CARMIL1: variants seen among roughly 807,000 people sequenced by gnomAD.
The protein encoded by CARMIL1 is capping protein regulator and myosin 1 linker 1, also known as F-actin-uncapping protein LRRC16A.
Under a neutral mutation model 177.1 loss-of-function variants are expected in CARMIL1, and 90 were observed. The observed-to-expected ratio is 0.51, with a 90% CI of 0.43 to 0.61. The LOEUF (loss-of-function observed/expected upper bound fraction) is 0.61. Ranked by LOEUF, CARMIL1 falls within the 20% of genes least tolerant of loss-of-function variation. The pLI, the probability that CARMIL1 is intolerant of heterozygous loss-of-function variation, is 0.00. For missense variants in CARMIL1, 1,380 were observed against 1,667.0 expected (o/e 0.83, Z 3.00); for synonymous variants, 577 against 606.2 (o/e 0.95, Z 0.71).
rs5875041 is a variant in CARMIL1 at position 25,442,468 on chromosome 6, A to ATGTG, written c.371+6878_371+6881dup. Among the ~76,000 whole-genome samples, 84 of 148,984 alleles carry ATGTG rather than the reference A, an allele frequency of 5.6e-4. 1 individual carries two copies. The highest frequency in any genetic ancestry group is 9.1e-4 in the Non-Finnish European group (61 of 67,176). On this transcript the variant is annotated intron_variant, in intron 5 of 36. Coordinates refer to ENST00000329474, the MANE Select transcript of CARMIL1 (RefSeq NM_017640.6). ...TGTCTATTTAACAGTGTGTGTGTGT[A>ATGTG]TGTGTGTGTGTGTGTGTATGTGTGT... is the stretch of plus-strand genomic sequence containing the variant.
intron 1 of CARMIL1, among the ~76,000 whole-genome samples, chr6:25,283,776 G>A (rs1326535737): frequency 2.6e-5 from 4 of 151,978 alleles, no homozygotes; most frequent in Admixed American, 2.0e-4. Context: ...GCAGTGGCAC[G>A]ATCTCAGCTC....
chr6:25,300,150 A>C (rs1221177263), intron 2 of CARMIL1, among the ~76,000 whole-genome samples: 1 of 143,796 alleles, frequency 7.0e-6, no homozygotes, highest in Admixed American at 6.9e-5. Context: ...CGAAATTTAC[A>C]GTTTTATGAT....
At chr6:25,373,175 C>T (rs1581718396) in intron 2 of CARMIL1, among the ~76,000 whole-genome samples, 1 of 151,126 alleles carries the variant, frequency 6.6e-6, no homozygotes, top group Non-Finnish European at 1.5e-5. Context: ...ATTTTTACAT[C>T]TTTGTTGATT....
chr6:25,549,683 T>C (rs978488148), intron 26 of CARMIL1, among the ~76,000 whole-genome samples: 6 of 152,180 alleles, frequency 3.9e-5, no homozygotes, highest in African/African-American at 1.4e-4. Flanking sequence ...TATTGGTGGA[T>C]TGTGCTTTGC....
At chr6:25,576,893 C>T in intron 29 of CARMIL1, 3 of 524,778 alleles carry the variant, frequency 5.7e-6, no homozygotes, top group Non-Finnish European at 7.3e-6. Flanking sequence ...GAATGGTATC[C>T]CTCTCCCTCC....
chr6:25,369,748 T>C (rs556612405), intron 2 of CARMIL1, among the ~76,000 whole-genome samples: 1 of 152,290 alleles, frequency 6.6e-6, no homozygotes, highest in East Asian at 1.9e-4. Context: ...GCTTGCTTTG[T>C]GTGTTTGGGT....
chr6:25,322,927 A>G (rs1033837505), intron 2 of CARMIL1, among the ~76,000 whole-genome samples: 1 of 152,174 alleles, frequency 6.6e-6, no homozygotes, highest in African/African-American at 2.4e-5. Flanking sequence ...TGCTCCATTT[A>G]GCTTCAAAGG....
At chr6:25,436,358 C>G (rs914882589) in intron 5 of CARMIL1, among the ~76,000 whole-genome samples, 3 of 152,188 alleles carry the variant, frequency 2.0e-5, no homozygotes, top group Non-Finnish European at 4.4e-5. Flanking sequence ...TCCCATTGCT[C>G]TCCCAGCAGG....
chr6:25,288,016 A>G (rs780772944), intron 2 of CARMIL1, among the ~76,000 whole-genome samples: 2 of 152,198 alleles, frequency 1.3e-5, no homozygotes, highest in African/African-American at 4.8e-5. Flanking sequence ...GGAGGTAAAC[A>G]TGTAGCCAGG....
At position 25,423,830 on chromosome 6, in the gene CARMIL1, C is replaced by G. The variant is rs73393812; in HGVS notation, c.190-2671C>G. Among the ~76,000 whole-genome samples the G allele has an allele frequency of 7.2e-3, 1,092 of 152,250 alleles. 13 individuals carry two copies. The highest frequency in any genetic ancestry group is 0.025 in the African/African-American group (1,045 of 41,544). ...TGGTGATATTTAATTAGTGTAATTT[C>G]TAACTGAAAAATGTCCTCAAGTCTT... On this transcript the variant is annotated intron_variant, in intron 3 of 36. Transcript: ENST00000329474.
At chr6:25,600,133 A>G (rs761927711) in intron 32 of CARMIL1, among the ~76,000 whole-genome samples, 181 bp from the exon 33 acceptor site, 1 of 152,188 alleles carries the variant, frequency 6.6e-6, no homozygotes, top group Non-Finnish European at 1.5e-5. Flanking sequence ...TCACGTGAAT[A>G]TGATAATGAT....
intron 2 of CARMIL1, among the ~76,000 whole-genome samples, chr6:25,303,303 A>G (rs995042326): frequency 6.6e-6 from 1 of 152,230 alleles, no homozygotes; most frequent in African/African-American, 2.4e-5. Context: ...ACAGTTGGGT[A>G]AAAAACTAAG....
chr6:25,429,870 G>A (rs146583810), intron 4 of CARMIL1, among the ~76,000 whole-genome samples: 18,630 of 145,468 alleles, frequency 0.13, 1,424 homozygotes, highest in South Asian at 0.18. Context: ...TTTTTGAGAC[G>A]GAGTCTCACT....
chr6:25,352,183 G>A (rs1788173672), intron 2 of CARMIL1, among the ~76,000 whole-genome samples: 1 of 151,556 alleles, frequency 6.6e-6, no homozygotes, highest in African/African-American at 2.4e-5. Flanking sequence ...TCATCTATAG[G>A]TGACTACATA....
intron 2 of CARMIL1, among the ~76,000 whole-genome samples, chr6:25,390,934 TCA>T (rs1792755665): frequency 6.6e-6 from 1 of 152,200 alleles, no homozygotes; most frequent in Admixed American, 6.5e-5. Context: ...ACTGCTGACC[TCA>T]AGTGATCCAC....
At chr6:25,603,474 G>A (rs1027172800) in intron 33 of CARMIL1, among the ~76,000 whole-genome samples, 1 of 152,222 alleles carries the variant, frequency 6.6e-6, no homozygotes, top group Non-Finnish European at 1.5e-5. Flanking sequence ...CACTCCTGGG[G>A]AGTGTGTGAC....
intron 2 of CARMIL1, chr6:25,287,426 T>G (rs1781601388): frequency 6.6e-6 from 1 of 152,356 alleles, no homozygotes; most frequent in Non-Finnish European, 1.5e-5. Flanking sequence ...TCTAAAAATC[T>G]GTTTTTGAAG....
chr6:25,469,228 A>G (rs912532891), intron 9 of CARMIL1, among the ~76,000 whole-genome samples: 1 of 152,238 alleles, frequency 6.6e-6, no homozygotes, highest in Non-Finnish European at 1.5e-5. Context: ...GCAAATAAGA[A>G]TTATGAGAGC....
chr6:25,389,041 T>A (rs2150523081), intron 2 of CARMIL1: 1 of 152,336 alleles, frequency 6.6e-6, no homozygotes, highest in East Asian at 1.9e-4. Flanking sequence ...GAATTAGCTT[T>A]TACTCCTTAC....
Sources: gnomAD v4.1 joint callset for allele counts (sites outside exome capture counted in the v4.1 genomes callset) on GRCh38, gnomAD v4.1.1 for gene constraint, MANE v1.5 for transcripts, NCBI Gene and HGNC (gene_info 2026-07-23, HGNC 2026-07-21) for gene names.